The following NCR1 variants were observed in gnomAD, a reference collection of about 807,000 sequenced individuals.
NCR1 encodes NK cell-activating receptor.
Under a neutral mutation model 32.5 loss-of-function variants are expected in NCR1, and 30 were observed. That is an observed-to-expected ratio of 0.92 (90% CI 0.69 to 1.25). The LOEUF (loss-of-function observed/expected upper bound fraction) is 1.25, where lower values mean the gene tolerates loss of function less well. Among genes scored for constraint, NCR1 ranks in the 50% most tolerant of loss-of-function variants. NCR1 has a pLI of 0.00. For missense variants in NCR1, 369 were observed against 380.7 expected (o/e 0.97, Z 0.26); for synonymous variants, 169 against 143.4 (o/e 1.18, Z -1.28).
At chr19:54,926,916 TA>T in the NCR1 span, among the ~76,000 whole-genome samples, 2,404 of 26,656 alleles carry the variant, frequency 0.09, 57 homozygotes, top group African/African-American at 0.19. Context: ...ACTCTGTCTT[TA>T]AAAAAAAAAA....
At chr19:54,917,043 C>T (rs905092868), downstream of NCR1, among the ~76,000 whole-genome samples, 6 of 152,004 alleles carry the variant, frequency 3.9e-5, no homozygotes, top group African/African-American at 1.2e-4. Flanking sequence ...TTCAGCCCTT[C>T]TCATTATTGC....
At chr19:54,909,164 C>T in intron 3 of NCR1, 81 bp from the exon 4 acceptor site, 2 of 1,352,688 alleles carry the variant, frequency 1.5e-6, no homozygotes, top group South Asian at 2.8e-5. Context: ...AGAGAGACTC[C>T]ATCTCTAAAG....
chr19:54,911,044 C>T (rs1043299427), intron 5 of NCR1, among the ~76,000 whole-genome samples: 2 of 152,030 alleles, frequency 1.3e-5, no homozygotes, highest in South Asian at 2.1e-4. Flanking sequence ...CTGGGGCGCA[C>T]GGCTAGGATT....
downstream of NCR1, among the ~76,000 whole-genome samples, chr19:54,916,702 ATTT>A (rs35842513): frequency 3.8e-4 from 19 of 50,476 alleles, no homozygotes; most frequent in South Asian, 1.8e-3. Flanking sequence ...CAACTGTTCT[ATTT>A]TTTTTTTTTT....
chr19:54,923,823 C>G, the NCR1 span: 3 of 1,614,038 alleles, frequency 1.9e-6, no homozygotes, highest in East Asian at 6.7e-5. Context: ...TTTTCTTTCA[C>G]TTCCTCCAAC....
the NCR1 span, chr19:54,936,145 G>A: frequency 4.5e-6 from 4 of 889,676 alleles, no homozygotes; most frequent in East Asian, 2.5e-5. Context: ...CCTGTTTGAG[G>A]AATACATTCC....
chr19:54,906,910 G>C (rs766959290), intron 3 of NCR1, 103 bp downstream of exon 3: 6 of 1,379,564 alleles, frequency 4.3e-6, no homozygotes, highest in Non-Finnish European at 6.0e-6. Context: ...TGCTTGTCTC[G>C]GTAGGAGGCT....
chr19:54,917,752 A>G (rs1482877805), downstream of NCR1, among the ~76,000 whole-genome samples: 1 of 152,066 alleles, frequency 6.6e-6, no homozygotes, highest in East Asian at 1.9e-4. Flanking sequence ...TCTGGTAGGT[A>G]GGGTCCAGGG....
chr19:54,916,500 G>T (rs2068137188), downstream of NCR1, among the ~76,000 whole-genome samples: 1 of 150,256 alleles, frequency 6.7e-6, no homozygotes. Context: ...TGTATTTTTA[G>T]TAGAGACGGG....
the NCR1 span, among the ~76,000 whole-genome samples, chr19:54,932,470 T>A: frequency 1.3e-5 from 2 of 151,892 alleles, no homozygotes; most frequent in Non-Finnish European, 2.9e-5. Flanking sequence ...TAGCTAGAAT[T>A]TCTGAACAGG....
At chr19:54,910,886 T>C (rs745501037) in intron 5 of NCR1, among the ~76,000 whole-genome samples, 2 of 152,154 alleles carry the variant, frequency 1.3e-5, no homozygotes, top group African/African-American at 2.4e-5. Flanking sequence ...GAGTTAATCA[T>C]GTGGCTGTCA....
chr19:54,922,542 C>A, the NCR1 span, among the ~76,000 whole-genome samples: 9 of 151,914 alleles, frequency 5.9e-5, no homozygotes, highest in African/African-American at 2.2e-4. Context: ...CTCTGGGAGG[C>A]TGAGGCGGGT....
At chr19:54,935,483 G>C in the NCR1 span, among the ~76,000 whole-genome samples, 2 of 152,094 alleles carry the variant, frequency 1.3e-5, no homozygotes, top group Non-Finnish European at 2.9e-5. Context: ...ATCACTTGAG[G>C]TCAGGAGTTC....
chr19:54,903,430 A>G (rs143153418), upstream of NCR1, among the ~76,000 whole-genome samples: 683 of 131,946 alleles, frequency 5.2e-3, 12 homozygotes, highest in Admixed American at 8.1e-3. Flanking sequence ...ATGTATGTAT[A>G]CACGCATACA....
In NCR1 at chr19:54,906,737, A is replaced by G. The variant is rs766354546; in HGVS notation, c.285A>G (p.Gln95=). 1.6e-5 allele frequency: 26 copies of G among 1,614,088 alleles called. No individual in the cohort carries two copies. The highest frequency in any genetic ancestry group is 2.2e-5 in the Non-Finnish European group (26 of 1,180,044). ...IPDMNSRMAG[Q]YSCIYRVGEL... ...ACATGAACTCCCGCATGGCAGGGCAATACAGCTGCATCTATCGGGTTGGGG... is the reference window on the plus strand; with the variant it reads ...ACATGAACTCCCGCATGGCAGGGCAGTACAGCTGCATCTATCGGGTTGGGG... The change falls in exon 3 of 7, where the codon CAA becomes CAG. Residue 95 remains glutamine (Q), a synonymous_variant. Transcript: ENST00000291890.
chr19:54,925,531 C>CACAGT, the NCR1 span, among the ~76,000 whole-genome samples: 1,251 of 152,224 alleles, frequency 8.2e-3, 19 homozygotes, highest in African/African-American at 0.028. Flanking sequence ...GTGGGCTGTG[C>CACAGT]ACAGTGGCTC....
chr19:54,923,625 C>G, the NCR1 span: 1 of 1,217,664 alleles, frequency 8.2e-7, no homozygotes, highest in Non-Finnish European at 1.2e-6. Context: ...AGTGTCAAAT[C>G]CTACCTCTCG....
At chr19:54,903,557 T>C (rs1459918588), upstream of NCR1, among the ~76,000 whole-genome samples, 1 of 146,998 alleles carries the variant, frequency 6.8e-6, no homozygotes, top group African/African-American at 2.5e-5. Flanking sequence ...TGTGTGTATA[T>C]ATACATATAT....
At chr19:54,933,202 G>A in the NCR1 span, among the ~76,000 whole-genome samples, 1 of 152,128 alleles carries the variant, frequency 6.6e-6, no homozygotes, top group Non-Finnish European at 1.5e-5. Flanking sequence ...CTGGAGTGCA[G>A]TGGTGCGATC....
Sources: allele counts gnomAD v4.1 joint callset (sites outside exome capture counted in the v4.1 genomes callset), GRCh38; gene constraint gnomAD v4.1.1; transcripts MANE v1.5; gene names NCBI Gene and HGNC (gene_info 2026-07-23, HGNC 2026-07-21).